The following CADM2 variants were observed in gnomAD, a reference collection of about 807,000 sequenced individuals.
CADM2 encodes immunoglobulin superfamily member 4D.
Under a neutral mutation model 49.8 loss-of-function variants are expected in CADM2, and 12 were observed. That is an observed-to-expected ratio of 0.24 (90% CI 0.15 to 0.39). CADM2 has a LOEUF of 0.39. Ranked by LOEUF, CADM2 falls within the 10% of genes least tolerant of loss-of-function variation. The pLI is 1.00. For synonymous variants in CADM2, 214 were observed against 175.4 expected (o/e 1.22, Z -1.74); for missense variants, 378 against 492.3 (o/e 0.77, Z 2.20).
At chr3:85,239,682 A>G (rs1452625974) in intron 1 of CADM2, among the ~76,000 whole-genome samples, 1 of 151,472 alleles carries the variant, frequency 6.6e-6, no homozygotes, top group Non-Finnish European at 1.5e-5. Context: ...TTATAATTAC[A>G]AGAAAATTGT....
chr3:85,670,583 T>A (rs2065706980), intron 1 of CADM2, among the ~76,000 whole-genome samples: 1 of 152,102 alleles, frequency 6.6e-6, no homozygotes, highest in African/African-American at 2.4e-5. Context: ...CAAATTCAAC[T>A]TCTCAGCAAC....
chr3:85,206,860 TG>T (rs1392898080), intron 1 of CADM2, among the ~76,000 whole-genome samples: 6 of 152,078 alleles, frequency 3.9e-5, no homozygotes, highest in African/African-American at 1.2e-4. Context: ...ATGAAGAACT[TG>T]TATTAGTAAT....
At chr3:84,967,125 C>G (rs966451258) in intron 1 of CADM2, among the ~76,000 whole-genome samples, 3 of 152,028 alleles carry the variant, frequency 2.0e-5, no homozygotes, top group Admixed American at 1.3e-4. Flanking sequence ...ACATACCTTT[C>G]CTGACAAAGA....
intron 1 of CADM2, among the ~76,000 whole-genome samples, chr3:85,091,427 C>T (rs2037593187): frequency 6.6e-6 from 1 of 151,988 alleles, no homozygotes; most frequent in South Asian, 2.1e-4. Context: ...AAGTATAATA[C>T]TTCTAATTCA....
rs187575338 is a variant in CADM2 at position 85,759,752 on chromosome 3, G to A, written c.88+33204G>A. 3.7e-3 allele frequency among the ~76,000 whole-genome samples: 562 copies of A among 152,226 alleles called. 2 individuals are homozygous for A. Among genetic ancestry groups the A allele is most frequent in the African/African-American group, 0.013 (539 of 41,558 alleles). ...GCCCACATAAAATTATGGGATAGGA[G>A]AACAGATACTGGGAAATCATTAACA... On this transcript the variant is annotated intron_variant, in intron 2 of 9. Transcript: ENST00000383699.
chr3:86,058,705 T>C (rs1304572439), intron 8 of CADM2, among the ~76,000 whole-genome samples: 1 of 152,088 alleles, frequency 6.6e-6, no homozygotes, highest in Non-Finnish European at 1.5e-5. Flanking sequence ...TTTTAAAATA[T>C]TTTAAATAAA....
At chr3:85,501,975 T>G (rs1240743118) in intron 1 of CADM2, among the ~76,000 whole-genome samples, 1 of 150,450 alleles carries the variant, frequency 6.6e-6, no homozygotes, top group Non-Finnish European at 1.5e-5. Flanking sequence ...AAGACTAATA[T>G]AATTCTTCTT....
intron 2 of CADM2, among the ~76,000 whole-genome samples, chr3:85,782,242 T>C (rs1415112245): frequency 1.3e-5 from 2 of 152,214 alleles, no homozygotes; most frequent in African/African-American, 2.4e-5. Flanking sequence ...ATAAATAATG[T>C]TAGAATAAAT....
intron 8 of CADM2, among the ~76,000 whole-genome samples, chr3:86,049,656 C>G (rs114402002): frequency 0.035 from 5,251 of 152,120 alleles, 183 homozygotes; most frequent in African/African-American, 0.085. Flanking sequence ...CAGCTTCTGG[C>G]ATGGGGGGCA....
chr3:85,869,102 T>C (rs1290869139), intron 3 of CADM2, among the ~76,000 whole-genome samples: 1 of 152,172 alleles, frequency 6.6e-6, no homozygotes, highest in African/African-American at 2.4e-5. Flanking sequence ...ATTGTATTTT[T>C]CATGCTTCCC....
intron 1 of CADM2, among the ~76,000 whole-genome samples, chr3:85,462,430 G>A (rs1158398925): frequency 6.6e-6 from 1 of 152,118 alleles, no homozygotes; most frequent in African/African-American, 2.4e-5. Context: ...ACCCACAAAT[G>A]TTATTGAAAG....
intron 1 of CADM2, among the ~76,000 whole-genome samples, chr3:85,341,484 G>A (rs781412601): frequency 2.0e-5 from 3 of 151,832 alleles, no homozygotes; most frequent in Non-Finnish European, 4.4e-5. Flanking sequence ...GAAAATCCTA[G>A]TTAAAATGAG....
At chr3:85,975,431 C>A (rs1331385657) in intron 8 of CADM2, among the ~76,000 whole-genome samples, 1 of 151,306 alleles carries the variant, frequency 6.6e-6, no homozygotes, top group African/African-American at 2.4e-5. Context: ...TGATGAACTT[C>A]ATTGAAATTT....
chr3:85,148,638 C>A lies in CADM2; in HGVS notation c.61+188970C>A, dbSNP rs562654723. Among the ~76,000 whole-genome samples, 4 of 152,226 alleles carry A rather than the reference C, an allele frequency of 2.6e-5. No individual in the cohort carries two copies. The South Asian group carries it at 8.3e-4, about 32-fold the overall frequency. ...CAAGCTATCAAAAATCTCTGTATAA[C>A]TTTTGACTCACCCAAAGCTTAACTA... On this transcript the variant is annotated intron_variant, in intron 1 of 9. Coordinates refer to ENST00000383699, the MANE Select transcript of CADM2 (RefSeq NM_001167675.2).
At chr3:85,126,109 A>T (rs1306063916) in intron 1 of CADM2, among the ~76,000 whole-genome samples, 1 of 152,166 alleles carries the variant, frequency 6.6e-6, no homozygotes, top group South Asian at 2.1e-4. Flanking sequence ...AGCAGCATTT[A>T]ATACTGTAAA....
chr3:85,507,789 A>C (rs2107679583), intron 1 of CADM2, among the ~76,000 whole-genome samples: 1 of 152,336 alleles, frequency 6.6e-6, no homozygotes, highest in East Asian at 1.9e-4. Flanking sequence ...AATGTATCAA[A>C]GAAAGTTAAT....
intron 3 of CADM2, among the ~76,000 whole-genome samples, chr3:85,850,768 GT>G (rs2075076869): frequency 6.6e-6 from 1 of 152,120 alleles, no homozygotes; most frequent in African/African-American, 2.4e-5. Context: ...ATGCTGAAGG[GT>G]TTATTTTATA....
intron 1 of CADM2, among the ~76,000 whole-genome samples, chr3:85,706,735 T>C (rs1479370741): frequency 1.3e-5 from 2 of 152,188 alleles, no homozygotes; most frequent in Non-Finnish European, 2.9e-5. Context: ...ACAAAATCTG[T>C]ATCATCAAAA....
chr3:85,892,751 A>G (rs1714634019), intron 5 of CADM2, among the ~76,000 whole-genome samples: 1 of 152,168 alleles, frequency 6.6e-6, no homozygotes, highest in Non-Finnish European at 1.5e-5. Context: ...CTAATGAGAC[A>G]CTGCTGTAAA....
Sources: gnomAD v4.1 joint callset for allele counts (sites outside exome capture counted in the v4.1 genomes callset) on GRCh38, gnomAD v4.1.1 for gene constraint, MANE v1.5 for transcripts, NCBI Gene and HGNC (gene_info 2026-07-23, HGNC 2026-07-21) for gene names.